XIRP2: variants seen among roughly 807,000 people sequenced by gnomAD.
XIRP2 encodes xin actin binding repeat containing 2.
XIRP2 carries 236 observed loss-of-function variants against 277.0 expected under a neutral mutation model. That is an observed-to-expected ratio of 0.85 (90% CI 0.77 to 0.95). The LOEUF (loss-of-function observed/expected upper bound fraction) is 0.95. Among genes scored for constraint, XIRP2 ranks in the 40% least tolerant of loss-of-function variants. The pLI is 0.00. For missense variants in XIRP2, 4,640 were observed against 4,157.5 expected (o/e 1.12, Z -3.19); for synonymous variants, 1,490 against 1,416.5 (o/e 1.05, Z -1.17).
At chr2:166,909,443 T>A (rs1684634921) in intron 2 of XIRP2, among the ~76,000 whole-genome samples, 2 of 152,208 alleles carry the variant, frequency 1.3e-5, no homozygotes, top group Non-Finnish European at 2.9e-5. Context: ...ATAAGAATGC[T>A]TGTGATTTTT....
intron 2 of XIRP2, among the ~76,000 whole-genome samples, chr2:166,913,312 C>CA (rs949978898): frequency 3.1e-4 from 28 of 91,036 alleles, no homozygotes; most frequent in Admixed American, 2.4e-3. Flanking sequence ...TGGTGGGCAC[C>CA]CCCCCCCCCC....
chr2:167,006,375 G>T (rs563870821), intron 2 of XIRP2, among the ~76,000 whole-genome samples: 7 of 151,752 alleles, frequency 4.6e-5, no homozygotes, highest in Non-Finnish European at 8.8e-5. Flanking sequence ...TGACAAAAAG[G>T]TGGGGAGAAA....
intron 2 of XIRP2, among the ~76,000 whole-genome samples, chr2:167,106,013 T>C (rs1690607845): frequency 6.6e-6 from 1 of 151,098 alleles, no homozygotes. Flanking sequence ...TTTGTTTTGA[T>C]TTTGCTATTG....
At chr2:167,121,947 C>T (rs2105305239) in intron 2 of XIRP2, among the ~76,000 whole-genome samples, 1 of 152,252 alleles carries the variant, frequency 6.6e-6, no homozygotes, top group South Asian at 2.1e-4. Context: ...TATACTCTGC[C>T]TCTCAAAGCT....
At chr2:167,043,505 A>C (rs1688715482) in intron 2 of XIRP2, among the ~76,000 whole-genome samples, 2 of 152,000 alleles carry the variant, frequency 1.3e-5, no homozygotes, top group South Asian at 4.1e-4. Flanking sequence ...AAATGACAAA[A>C]GTGACATTAC....
At chr2:167,156,363 C>T (rs958293279) in intron 3 of XIRP2, among the ~76,000 whole-genome samples, 1 of 152,106 alleles carries the variant, frequency 6.6e-6, no homozygotes, top group African/African-American at 2.4e-5. Context: ...ACCTGCAATA[C>T]TGCATGAAAA....
At chr2:167,205,853 T>C (rs1044320024) in intron 3 of XIRP2, among the ~76,000 whole-genome samples, 3 of 152,208 alleles carry the variant, frequency 2.0e-5, no homozygotes, top group Non-Finnish European at 4.4e-5. Flanking sequence ...TACAACCATT[T>C]TTATGTCTAC....
chr2:167,181,958 C>T (rs1405611416), intron 3 of XIRP2, among the ~76,000 whole-genome samples: 1 of 152,108 alleles, frequency 6.6e-6, no homozygotes, highest in East Asian at 1.9e-4. Context: ...GCTTTCTTCA[C>T]TCCCCAAAGC....
chr2:167,218,207 G>C lies in XIRP2; in HGVS notation c.765G>C (p.Leu255Phe). ...ESEMCAVPGGLAKVKKQFEDE... is the reference protein window; with the variant it reads ...ESEMCAVPGGFAKVKKQFEDE... ...AAATGTGCGCAGTGCCTGGTGGTTT[G>C]GCCAAGGTGAAGAAACAATTTGAGG... is the stretch of plus-strand genomic sequence containing the variant. Residue 255 changes from leucine (L) to phenylalanine (F), a missense_variant, in exon 5 of 11, where the codon TTG (leucine) becomes TTC (phenylalanine). Leu to Phe is a conservative substitution (Grantham distance 22). Transcript: ENST00000409195. 3 of 1,606,620 alleles carry C rather than the reference G, an allele frequency of 1.9e-6. No homozygotes were observed. Among genetic ancestry groups the C allele is most frequent in the Non-Finnish European group, 2.5e-6 (3 of 1,176,996 alleles).
At chr2:167,253,367 A>T (rs1215892134) in intron 9 of XIRP2, among the ~76,000 whole-genome samples, 1 of 151,748 alleles carries the variant, frequency 6.6e-6, no homozygotes, top group Non-Finnish European at 1.5e-5. Context: ...AGATGCGAGA[A>T]TCCAAAAAGC....
rs1695131093 is a variant in XIRP2 at position 167,243,248 on chromosome 2, G to A, written c.1856G>A (p.Trp619Ter). ...GGTGGTGATGTGAAATATACCACATGGATGTTTGAAACCCAACCCATCGAC... is the reference window on the plus strand; with the variant it reads ...GGTGGTGATGTGAAATATACCACATAGATGTTTGAAACCCAACCCATCGAC... Reference protein sequence around the residue: ...IAGGDVKYTTWMFETQPIDTL... With the variant: ...IAGGDVKYTT Residue 619 changes from tryptophan to a stop codon, truncating the protein, a stop_gained, in exon 9 of 11, where the codon TGG becomes TAG. Transcript: ENST00000409195. LOFTEE classifies it high-confidence loss of function. 2 of 1,613,572 alleles carry A rather than the reference G, an allele frequency of 1.2e-6. No individual in the cohort carries two copies. The highest frequency in any genetic ancestry group is 1.3e-5 in the African/African-American group (1 of 74,898).
At chr2:167,010,933 C>G (rs1687658835) in intron 2 of XIRP2, among the ~76,000 whole-genome samples, 1 of 152,098 alleles carries the variant, frequency 6.6e-6, no homozygotes, top group African/African-American at 2.4e-5. Context: ...TATCCTGAGA[C>G]TTTGCTGAAG....
intron 2 of XIRP2, among the ~76,000 whole-genome samples, chr2:166,956,346 A>G (rs1385654682): frequency 6.6e-6 from 1 of 151,866 alleles, no homozygotes; most frequent in Non-Finnish European, 1.5e-5. Flanking sequence ...TTTGTTAACT[A>G]AAATTTGAAC....
intron 2 of XIRP2, among the ~76,000 whole-genome samples, chr2:166,960,307 A>T (rs1209901204): frequency 2.6e-5 from 4 of 151,756 alleles, no homozygotes; most frequent in African/African-American, 9.7e-5. Context: ...CCCAAAGAGT[A>T]AGTAGCAGAA....
intron 3 of XIRP2, among the ~76,000 whole-genome samples, chr2:167,161,833 C>T (rs770086572): frequency 2.6e-5 from 4 of 152,138 alleles, no homozygotes; most frequent in Admixed American, 2.0e-4. Context: ...TCTTTTCTAT[C>T]GCATTGTCAA....
In XIRP2 at chr2:167,217,979, G is replaced by A. The variant is rs953575343; in HGVS notation, c.724-187G>A. Among the ~76,000 whole-genome samples the A allele has an allele frequency of 3.3e-5, 5 of 152,144 alleles. No homozygotes were observed. The East Asian group carries it at 9.6e-4, about 29-fold the overall frequency. ...ACTTTATATCAAAAGACTGATAAAT[G>A]AGAAAACAACCCAGAGAGAATATAT... is the stretch of plus-strand genomic sequence containing the variant. On this transcript the variant is annotated intron_variant, in intron 4 of 10. Transcript: ENST00000409195.
At chr2:166,907,188 A>G (rs774645337) in intron 2 of XIRP2, among the ~76,000 whole-genome samples, 3 of 152,206 alleles carry the variant, frequency 2.0e-5, no homozygotes, top group Non-Finnish European at 2.9e-5. Flanking sequence ...GAGGCAGACT[A>G]TAATCCAAAG....
intron 2 of XIRP2, among the ~76,000 whole-genome samples, chr2:167,031,203 A>G (rs1022813380): frequency 2.0e-5 from 3 of 152,002 alleles, no homozygotes; most frequent in Non-Finnish European, 4.4e-5. Flanking sequence ...GTTAAGGTTA[A>G]CACTGTTATG....
chr2:166,917,431 G>A (rs2105353850), intron 2 of XIRP2, among the ~76,000 whole-genome samples: 1 of 152,178 alleles, frequency 6.6e-6, no homozygotes, highest in Non-Finnish European at 1.5e-5. Context: ...TAATGTTAGT[G>A]TTCTTTTCAC....
Sources: allele counts gnomAD v4.1 joint callset (sites outside exome capture counted in the v4.1 genomes callset), GRCh38; gene constraint gnomAD v4.1.1; transcripts MANE v1.5; gene names NCBI Gene and HGNC (gene_info 2026-07-23, HGNC 2026-07-21).